SYT14: variants seen among roughly 807,000 people sequenced by gnomAD.
SYT14 encodes the protein synaptotagmin 14, also known as synaptotagmin-14.
Under a neutral mutation model 74.2 loss-of-function variants are expected in SYT14, and 32 were observed. The observed-to-expected ratio is 0.43, with a 90% CI of 0.33 to 0.58. The LOEUF is 0.58. SYT14 is among the 20% of genes least tolerant of loss of function. The pLI is 0.05. For missense variants in SYT14, 791 were observed against 981.8 expected, an observed-to-expected ratio of 0.81 and a Z score of 2.60; for synonymous variants, 298 against 337.7, an observed-to-expected ratio of 0.88 and a Z score of 1.29.
chr1:210,145,222 T>G (rs1471664931), intron 7 of SYT14, among the ~76,000 whole-genome samples: 1 of 152,188 alleles, frequency 6.6e-6, no homozygotes, highest in Non-Finnish European at 1.5e-5. Context: ...ATATAAAATG[T>G]GCACAAAGCA....
intron 7 of SYT14, among the ~76,000 whole-genome samples, chr1:210,140,408 A>C (rs992484569): frequency 6.6e-6 from 1 of 152,122 alleles, no homozygotes; most frequent in African/African-American, 2.4e-5. Flanking sequence ...TATTCAGGAA[A>C]TCGGTCCCTT....
chr1:209,985,077 T>A (rs1193884844), intron 2 of SYT14, among the ~76,000 whole-genome samples: 1 of 152,190 alleles, frequency 6.6e-6, no homozygotes, highest in Non-Finnish European at 1.5e-5. Flanking sequence ...CCACAAAATC[T>A]CATGTCCTTC....
At chr1:210,106,395 G>A (rs745428145) in intron 7 of SYT14, among the ~76,000 whole-genome samples, 9 of 152,194 alleles carry the variant, frequency 5.9e-5, no homozygotes, top group Non-Finnish European at 8.8e-5. Context: ...GTTGGTTGCC[G>A]CTTGTATTAG....
At chr1:210,121,597 A>C (rs1025681808) in intron 7 of SYT14, among the ~76,000 whole-genome samples, 1 of 152,132 alleles carries the variant, frequency 6.6e-6, no homozygotes. Flanking sequence ...GATTGAGACC[A>C]TCCTGGCTAA....
At chr1:210,127,426 C>A (rs1328785730) in intron 7 of SYT14, among the ~76,000 whole-genome samples, 3 of 152,098 alleles carry the variant, frequency 2.0e-5, no homozygotes, top group East Asian at 3.9e-4. Context: ...CTCTTAGATT[C>A]CATTGGCTAG....
At chr1:210,152,038 A>G (rs2083175283) in intron 7 of SYT14, among the ~76,000 whole-genome samples, 1 of 152,232 alleles carries the variant, frequency 6.6e-6, no homozygotes, top group African/African-American at 2.4e-5. Flanking sequence ...CTAGTATTAT[A>G]GCCTAATGTA....
chr1:210,030,589 C>T (rs2080509878), intron 5 of SYT14, among the ~76,000 whole-genome samples: 1 of 152,114 alleles, frequency 6.6e-6, no homozygotes, highest in African/African-American at 2.4e-5. Flanking sequence ...TTTTTCTTGC[C>T]TAATTGCTCT....
intron 7 of SYT14, among the ~76,000 whole-genome samples, chr1:210,126,963 G>A (rs1454795320): frequency 6.6e-6 from 1 of 152,172 alleles, no homozygotes; most frequent in East Asian, 1.9e-4. Context: ...AAGAAGTAGA[G>A]GCTTTTGATA....
At chr1:210,114,539 C>T (rs2082322032) in intron 7 of SYT14, among the ~76,000 whole-genome samples, 1 of 151,288 alleles carries the variant, frequency 6.6e-6, no homozygotes, top group East Asian at 1.9e-4. Flanking sequence ...ATAAGATGGC[C>T]TTCTGACCCT....
intron 2 of SYT14, among the ~76,000 whole-genome samples, chr1:209,981,942 T>C (rs1032192991): frequency 3.0e-4 from 45 of 152,022 alleles, no homozygotes; most frequent in African/African-American, 1.1e-3. Flanking sequence ...GGTGACTATG[T>C]GCCTTGGTGA....
At chr1:210,001,496 A>G (rs1159458762) in intron 2 of SYT14, among the ~76,000 whole-genome samples, 1 of 152,224 alleles carries the variant, frequency 6.6e-6, no homozygotes, top group Admixed American at 6.5e-5. Flanking sequence ...ATTTTAAATT[A>G]CATTTATATT....
chr1:210,073,578 G>T (rs935998921), intron 5 of SYT14, among the ~76,000 whole-genome samples: 6 of 152,064 alleles, frequency 3.9e-5, no homozygotes, highest in South Asian at 4.2e-4. Flanking sequence ...AAGCTAATTA[G>T]TTCTCATTCT....
At chr1:210,132,567 T>TTTTGTGTGTGTGTGTGTGTG (rs147481736) in intron 7 of SYT14, among the ~76,000 whole-genome samples, 1 of 144,998 alleles carries the variant, frequency 6.9e-6, no homozygotes, top group Non-Finnish European at 1.5e-5. Flanking sequence ...ATTTTATATA[T>TTTTGTGTGTGTGTGTGTGTG]TGTGTGTGTG....
chr1:209,941,554 A>G (rs915697960), intron 1 of SYT14, among the ~76,000 whole-genome samples: 2 of 152,086 alleles, frequency 1.3e-5, no homozygotes, highest in Non-Finnish European at 2.9e-5. Flanking sequence ...TCCTCTCTTG[A>G]TTACATATTT....
In SYT14 at chr1:209,939,393, C is replaced by T. The variant is rs75405859; in HGVS notation, c.-534+1116C>T. On this transcript the variant is annotated intron_variant, in intron 1 of 9. Transcript: ENST00000637265. ...GTGATCAATCACTGGTAGTATGCAT[C>T]TCTGGGGACTTCTTTTTGTCGGATC... Among the ~76,000 whole-genome samples the T allele has an allele frequency of 7.5e-3, 1,144 of 152,308 alleles. 4 individuals are homozygous for T. Among genetic ancestry groups the T allele is most frequent in the Middle Eastern group, 0.024 (7 of 294 alleles).
At chr1:209,990,536 TAC>T (rs1260111683) in intron 2 of SYT14, among the ~76,000 whole-genome samples, 12 of 44,338 alleles carry the variant, frequency 2.7e-4, no homozygotes, top group Non-Finnish European at 4.1e-4. Context: ...TATATATATA[TAC>T]GTATATATAT....
chr1:209,995,883 CTG>C (rs145729313), intron 2 of SYT14, among the ~76,000 whole-genome samples: 21,175 of 151,952 alleles, frequency 0.14, 4,588 homozygotes, highest in African/African-American at 0.47. Flanking sequence ...CTTGAAACTC[CTG>C]TGGGAACGTT....
intron 7 of SYT14, among the ~76,000 whole-genome samples, chr1:210,127,083 A>G (rs2082583886): frequency 6.6e-6 from 1 of 152,212 alleles, no homozygotes. Flanking sequence ...GTCCCTACCT[A>G]ATGAATGTAT....
intron 5 of SYT14, among the ~76,000 whole-genome samples, chr1:210,065,699 T>C (rs1310399485): frequency 2.6e-5 from 4 of 152,106 alleles, no homozygotes; most frequent in Admixed American, 2.0e-4. Context: ...ATGAAATGTA[T>C]GTAAATATAC....
Sources: gnomAD v4.1 joint callset for allele counts (sites outside exome capture counted in the v4.1 genomes callset) on GRCh38, gnomAD v4.1.1 for gene constraint, MANE v1.5 for transcripts, NCBI Gene and HGNC (gene_info 2026-07-23, HGNC 2026-07-21) for gene names.